SHTN1: variants seen among roughly 807,000 people sequenced by gnomAD.
The protein encoded by SHTN1 is shootin-1.
Under a neutral mutation model 83.1 loss-of-function variants are expected in SHTN1, and 42 were observed. The observed-to-expected ratio is 0.51, with a 90% CI of 0.39 to 0.65. SHTN1 has a LOEUF of 0.65. SHTN1 is among the 30% of genes least tolerant of loss of function. SHTN1 has a pLI of 0.00. For synonymous variants in SHTN1, 224 were observed against 247.7 expected (o/e 0.90, Z 0.90); for missense variants, 622 against 737.8 (o/e 0.84, Z 1.82).
Position 117,085,512 on chromosome 10 carries a change from G to A in SHTN1, c.-188-37002C>T, listed in dbSNP as rs147634718. The stretch of plus-strand genomic sequence containing the variant: ...TGTGGTCTGAGAGCATATTTTGTGA[G>A]TTTTCTAAGGTACGTTTTATAGCTC... On this transcript the variant is annotated intron_variant, in intron 1 of 17. Transcript: ENST00000392901. 2.0e-5 allele frequency among the ~76,000 whole-genome samples: 3 copies of A among 152,296 alleles called. No homozygotes were observed. The East Asian group carries it at 5.8e-4, about 29-fold the overall frequency.
intron 1 of SHTN1, among the ~76,000 whole-genome samples, chr10:117,100,897 A>G (rs1853582088): frequency 6.6e-6 from 1 of 152,208 alleles, no homozygotes; most frequent in African/African-American, 2.4e-5. Flanking sequence ...AGCTGAGAGT[A>G]GTGACTAACA....
chr10:117,103,190 A>G (rs917997867), intron 1 of SHTN1, among the ~76,000 whole-genome samples: 1 of 150,924 alleles, frequency 6.6e-6, no homozygotes, highest in African/African-American at 2.4e-5. Context: ...CCCGGGTTCA[A>G]GCAATTCTTC....
At position 116,882,365 on chromosome 10, in the gene SHTN1, T is replaced by C. The variant is rs186150493; in HGVS notation, c.*3979A>G. 18 of 143,984 alleles carry C rather than the reference T, an allele frequency of 1.3e-4. No homozygotes were observed. In the East Asian group the frequency reaches 3.5e-3, roughly 28 times the overall value. 8.9% of individuals were successfully genotyped at this position (143,984 alleles called of 1,614,324 possible). On this transcript the variant is annotated 3_prime_UTR_variant, in exon 17 of 17. Coordinates refer to ENST00000355371, the MANE Select transcript of SHTN1 (RefSeq NM_001127211.3). ...AGGTTATTAAATGCCCAGTTATTCA[T>C]ACCACAGCATTTAAAAAGCAATCCG...
chr10:116,962,861 G>A (rs1243781740), intron 3 of SHTN1, among the ~76,000 whole-genome samples: 1 of 151,944 alleles, frequency 6.6e-6, no homozygotes, highest in Non-Finnish European at 1.5e-5. Context: ...TAAACTGGTA[G>A]CATAACAACC....
At chr10:116,999,792 A>G (rs1851756924) in intron 1 of SHTN1, among the ~76,000 whole-genome samples, 1 of 152,166 alleles carries the variant, frequency 6.6e-6, no homozygotes. Flanking sequence ...ACATGCCTGT[A>G]GTCCCAGCTA....
At chr10:117,028,113 C>T (rs1852356823) in intron 2 of SHTN1, among the ~76,000 whole-genome samples, 1 of 152,110 alleles carries the variant, frequency 6.6e-6, no homozygotes, top group Admixed American at 6.6e-5. Context: ...TTTGTTAGGC[C>T]TTAGCAAAGA....
At position 116,897,902 on chromosome 10, in the gene SHTN1, T is replaced by C. The variant is rs568624873; in HGVS notation, c.1673+3863A>G. 2.9e-3 allele frequency among the ~76,000 whole-genome samples: 446 copies of C among 152,260 alleles called. 2 individuals are homozygous for C. The highest frequency in any genetic ancestry group is 0.01 in the African/African-American group (432 of 41,542). ...ATAAATCACATTGTTTCCTTGTTAC[T>C]CCCCCTCCCGTCTACAGGCTTTTAT... On this transcript the variant is annotated intron_variant, in intron 16 of 16. Transcript: ENST00000355371.
chr10:116,968,267 A>C (rs1365374100), intron 3 of SHTN1, among the ~76,000 whole-genome samples: 1 of 152,214 alleles, frequency 6.6e-6, no homozygotes, highest in Non-Finnish European at 1.5e-5. Flanking sequence ...TTACTGAAAA[A>C]AGCAGACTGC....
chr10:117,093,092 A>G (rs1020852268), intron 1 of SHTN1, among the ~76,000 whole-genome samples: 1 of 152,214 alleles, frequency 6.6e-6, no homozygotes. Context: ...TATATCTACT[A>G]TCATTAGTAT....
chr10:117,070,172 C>T (rs1406680352), intron 1 of SHTN1, among the ~76,000 whole-genome samples: 1 of 151,624 alleles, frequency 6.6e-6, no homozygotes, highest in Admixed American at 6.6e-5. Context: ...TAATGGACCC[C>T]GAAGTCAATA....
At chr10:117,068,721 C>T (rs992868556) in intron 1 of SHTN1, among the ~76,000 whole-genome samples, 2 of 151,974 alleles carry the variant, frequency 1.3e-5, no homozygotes, top group Non-Finnish European at 2.9e-5. Flanking sequence ...ACAAATGGCA[C>T]AGTGGCTATA....
At chr10:116,979,131 G>C (rs1850919484) in intron 2 of SHTN1, 125 bp downstream of exon 2, 1 of 765,282 alleles carries the variant, frequency 1.3e-6, no homozygotes, top group Non-Finnish European at 2.2e-6. Flanking sequence ...AGAGAAAAGG[G>C]AAGAAAAGAA....
At chr10:117,006,120 G>T (rs1460238479), upstream of SHTN1, among the ~76,000 whole-genome samples, 1 of 152,080 alleles carries the variant, frequency 6.6e-6, no homozygotes, top group Non-Finnish European at 1.5e-5. Context: ...CTGCATCTTT[G>T]AACTTCATCT....
chr10:117,098,560 A>G (rs919856554), intron 1 of SHTN1, among the ~76,000 whole-genome samples: 7 of 152,264 alleles, frequency 4.6e-5, no homozygotes, highest in Admixed American at 3.3e-4. Context: ...TTTTCCTACA[A>G]GCCACTTAAC....
chr10:117,087,661 C>T (rs984545992), intron 1 of SHTN1, among the ~76,000 whole-genome samples: 1 of 151,932 alleles, frequency 6.6e-6, no homozygotes, highest in Non-Finnish European at 1.5e-5. Context: ...ATTTCTTAAA[C>T]AAGACAATAT....
intron 1 of SHTN1, among the ~76,000 whole-genome samples, chr10:116,984,170 C>G (rs1473534152): frequency 6.6e-6 from 1 of 152,166 alleles, no homozygotes; most frequent in Non-Finnish European, 1.5e-5. Context: ...CACTCTACCT[C>G]TAGCACTCTT....
chr10:116,915,326 TA>T, intron 13 of SHTN1, 48 bp downstream of exon 13: 1 of 1,019,852 alleles, frequency 9.8e-7, no homozygotes, highest in Non-Finnish European at 1.5e-6. Flanking sequence ...TTTATACATT[TA>T]AAAAAGGAAA....
At chr10:116,925,169 G>T (rs1848702560) in intron 11 of SHTN1, among the ~76,000 whole-genome samples, 1 of 152,178 alleles carries the variant, frequency 6.6e-6, no homozygotes, top group Admixed American at 6.5e-5. Flanking sequence ...CACTATTCTG[G>T]TGTTTCCATG....
intron 1 of SHTN1, among the ~76,000 whole-genome samples, chr10:116,987,989 G>A (rs1851283496): frequency 6.6e-6 from 1 of 151,938 alleles, no homozygotes; most frequent in Non-Finnish European, 1.5e-5. Context: ...AACAGGTAGA[G>A]CACACATTTT....
Sources: allele counts gnomAD v4.1 joint callset (sites outside exome capture counted in the v4.1 genomes callset), GRCh38; gene constraint gnomAD v4.1.1; transcripts MANE v1.5; gene names NCBI Gene and HGNC (gene_info 2026-07-23, HGNC 2026-07-21).